Variants in KEAP1 observed in about 807,000 individuals in gnomAD.
The protein encoded by KEAP1 is kelch like ECH associated protein 1.
KEAP1 carries 26 observed loss-of-function variants against 59.7 expected under a neutral mutation model. The observed-to-expected ratio is 0.44, with a 90% CI of 0.32 to 0.60. The LOEUF is 0.60. Among genes scored for constraint, KEAP1 ranks in the 20% least tolerant of loss-of-function variants. KEAP1 has a pLI of 0.06. For missense variants in KEAP1, 539 were observed against 871.4 expected (o/e 0.62, Z 4.80); for synonymous variants, 350 against 358.3 (o/e 0.98, Z 0.26).
chr19:10,487,515 G>A (rs1914506088), intron 5 of KEAP1, among the ~76,000 whole-genome samples: 1 of 151,720 alleles, frequency 6.6e-6, no homozygotes, highest in Admixed American at 6.6e-5. Context: ...AATTAGATGC[G>A]ATTGGTGATG....
intron 2 of KEAP1, among the ~76,000 whole-genome samples, chr19:10,493,054 G>C (rs529007704): frequency 6.6e-6 from 1 of 152,086 alleles, no homozygotes; most frequent in East Asian, 1.9e-4. Context: ...GGAGTGCAGT[G>C]GTGTGATCTT....
chr19:10,494,441 C>G (rs935494183), intron 2 of KEAP1, among the ~76,000 whole-genome samples: 3 of 150,580 alleles, frequency 2.0e-5, no homozygotes, highest in African/African-American at 4.9e-5. Flanking sequence ...CGCCATTCTC[C>G]TGCCTCAGCC....
chr19:10,500,141 G>T, intron 1 of KEAP1, 61 bp from the exon 2 acceptor site: 1 of 1,216,470 alleles, frequency 8.2e-7, no homozygotes, highest in Non-Finnish European at 1.1e-6. Flanking sequence ...CACCTGCCGG[G>T]CCTCGTTTTG....
At chr19:10,496,504 A>G (rs572074638) in intron 2 of KEAP1, among the ~76,000 whole-genome samples, 1 of 115,346 alleles carries the variant, frequency 8.7e-6, no homozygotes, top group African/African-American at 3.7e-5. Flanking sequence ...CCCACCCCCA[A>G]AAAAAAAAAA....
intron 5 of KEAP1, 130 bp from the exon 6 acceptor site, chr19:10,486,948 G>C (rs1850478412): frequency 2.3e-6 from 2 of 877,372 alleles, no homozygotes; most frequent in East Asian, 6.0e-5. Flanking sequence ...TATAATCCTA[G>C]CACTTTGCAG....
chr19:10,486,809 T>C lies in KEAP1; in HGVS notation c.1718A>G (p.Asp573Gly), dbSNP rs2144578896. Residue 573 changes from aspartate to glycine, a missense_variant, in exon 6 of 6, where the codon GAT becomes GGT. Asp to Gly is a moderately conservative substitution (Grantham distance 94, BLOSUM62 -1). Coordinates refer to ENST00000171111, the MANE Select transcript of KEAP1 (RefSeq NM_203500.2). The stretch of plus-strand genomic sequence containing the variant: ...CACACTGTCCAGGAACGTGTGACCA[T>C]CATAGCCTCCTGCGGGAAGAACAGA... ...QGRIYVLGGY[D>G]GHTFLDSVEC... 1 of 1,613,074 alleles carries C rather than the reference T, an allele frequency of 6.2e-7. No individual in the cohort carries two copies. Among genetic ancestry groups the C allele is most frequent in the South Asian group, 1.1e-5 (1 of 91,008 alleles).
chr19:10,489,185 G>GC lies in KEAP1; in HGVS notation c.1708+6dup. ...GTCAGGACTCTTCCCCGCCCCCAGG[G>GC]CCTCACCAAGGACGTAGATTCTCCC... On this transcript the variant is annotated splice_region_variant and intron_variant, in intron 5 of 5. Coordinates refer to ENST00000171111, the MANE Select transcript of KEAP1 (RefSeq NM_203500.2). The GC allele has an allele frequency of 6.2e-7, 1 of 1,609,718 alleles. No homozygotes were observed. Among genetic ancestry groups the GC allele is most frequent in the Non-Finnish European group, 8.5e-7 (1 of 1,178,592 alleles).
rs2144589346 is a variant in KEAP1 at position 10,489,657 on chromosome 19, T to C, written c.1522A>G (p.Ser508Gly). Residue 508 changes from serine (S) to glycine (G), a missense_variant, in exon 4 of 6, where the codon AGC becomes GGC. This residue lies in a region of KEAP1 where 311 missense variants were observed against 425.2 expected (regional missense o/e 0.73). Coordinates refer to ENST00000171111, the MANE Select transcript of KEAP1 (RefSeq NM_203500.2). The part of the protein sequence containing the change: ...RMITAMNTIR[S>G]GAGVCVLHNC... ...TACCGTCCCCACCCACCTGCCCCGC[T>C]TCGGATGGTGTTCATTGCTGTGATC... 6.2e-7 allele frequency: 1 copy of C among 1,613,840 alleles called. No homozygotes were observed. Among genetic ancestry groups the C allele is most frequent in the Non-Finnish European group, 8.5e-7 (1 of 1,179,980 alleles).
At chr19:10,489,567 C>A in intron 4 of KEAP1, 81 bp downstream of exon 4, 1 of 1,503,484 alleles carries the variant, frequency 6.7e-7, no homozygotes. Context: ...AACAGGGGGT[C>A]TCTCCCAGGC....
chr19:10,489,664 G>T lies in KEAP1; in HGVS notation c.1515C>A (p.Thr505=), dbSNP rs1914600591. Residue 505 remains threonine (T), a synonymous_variant, in exon 4 of 6, where the codon ACC becomes ACA. Transcript: ENST00000171111. ...CCCACCCACCTGCCCCGCTTCGGATGGTGTTCATTGCTGTGATCATTCGCC... is the reference window on the plus strand; with the variant it reads ...CCCACCCACCTGCCCCGCTTCGGATTGTGTTCATTGCTGTGATCATTCGCC... The part of the protein sequence containing the change: ...NEWRMITAMN[T]IRSGAGVCVL... 6.2e-7 allele frequency: 1 copy of T among 1,613,962 alleles called. No individual in the cohort carries two copies. Among genetic ancestry groups the T allele is most frequent in the Non-Finnish European group, 8.5e-7 (1 of 1,179,994 alleles).
chr19:10,489,737 G>A lies in KEAP1; in HGVS notation c.1442C>T (p.Thr481Ile), dbSNP rs372945419. ...LLYAVGGFDG[T>I]NRLNSAECYY... is the part of the protein sequence containing the mutation. ...ACACTCAGCTGAATTAAGGCGGTTT[G>A]TCCCGTCAAAGCCCCCCACGGCATA... Residue 481 changes from threonine (T) to isoleucine (I), a missense_variant, in exon 4 of 6, where the codon ACA becomes ATA. Transcript: ENST00000171111. 1.2e-6 allele frequency: 2 copies of A among 1,614,008 alleles called. No individual in the cohort carries two copies. The highest frequency in any genetic ancestry group is 1.7e-6 in the Non-Finnish European group (2 of 1,180,034).
Position 10,486,635 on chromosome 19 carries a change from C to T in KEAP1, c.*17G>A, listed in dbSNP as rs1292628908. ...CTCCCCATTGGACTGTATTTTTGCC[C>T]AAGAAACAAAAGTGCCTCAACAGGT... On this transcript the variant is annotated 3_prime_UTR_variant, in exon 6 of 6. Transcript: ENST00000171111. 13 of 1,609,414 alleles carry T rather than the reference C, an allele frequency of 8.1e-6. No homozygotes were observed. The highest frequency in any genetic ancestry group is 2.2e-5 in the East Asian group (1 of 44,810).
At position 10,491,963 on chromosome 19, in the gene KEAP1, G is replaced by T. The variant is rs1458358210; in HGVS notation, c.939C>A (p.Pro313=). ...KIFEELTLHK[P]TQVMPCRAPK... is the part of the protein sequence containing the mutation. ...GCGCCCGGCAGGGCATCACCTGCGT[G>T]GGCTTGTGCAGGGTGAGCTCCTCGA... Residue 313 remains proline (P), a synonymous_variant, in exon 3 of 6, where the codon CCC becomes CCA. Coordinates refer to ENST00000171111, the MANE Select transcript of KEAP1 (RefSeq NM_203500.2). The surrounding 1 kb of genome is among the most constrained non-coding windows in gnomAD (Gnocchi z 5.2). 6.8e-6 allele frequency: 11 copies of T among 1,613,940 alleles called. No individual in the cohort carries two copies. The highest frequency in any genetic ancestry group is 9.3e-6 in the Non-Finnish European group (11 of 1,180,044).
chr19:10,488,481 A>T (rs1229088034), intron 5 of KEAP1, among the ~76,000 whole-genome samples: 6 of 151,508 alleles, frequency 4.0e-5, no homozygotes, highest in African/African-American at 7.3e-5. Context: ...GCATAGTGGC[A>T]GGCGCCTGTA....
At chr19:10,498,937 C>T (rs1232990464) in intron 2 of KEAP1, among the ~76,000 whole-genome samples, 1 of 151,834 alleles carries the variant, frequency 6.6e-6, no homozygotes, top group Non-Finnish European at 1.5e-5. Flanking sequence ...TTGGTTCAAG[C>T]GATTCTCCTG....
In KEAP1 at chr19:10,499,128, C is replaced by A. The variant is rs1349587644; in HGVS notation, c.639+267G>T. ...GGGATTACAGGCATGAGCCACCACG[C>A]CCGGCCCCAGTTGTTTTTTGTTTGT... On this transcript the variant is annotated intron_variant, in intron 2 of 5. Coordinates refer to ENST00000171111, the MANE Select transcript of KEAP1 (RefSeq NM_203500.2). The surrounding 1 kb of genome is among the most constrained non-coding windows in gnomAD (Gnocchi z 6.7). Among the ~76,000 whole-genome samples the A allele has an allele frequency of 1.3e-5, 2 of 152,154 alleles. No homozygotes were observed. Among genetic ancestry groups the A allele is most frequent in the Non-Finnish European group, 2.9e-5 (2 of 68,050 alleles).
chr19:10,486,767 T>G lies in KEAP1; in HGVS notation c.1760A>C (p.Asp587Ala). ...FLDSVECYDP[D>A]TDTWSEVTRM... is the part of the protein sequence containing the mutation. ...GGTCACCTCGCTCCAGGTGTCTGTATCTGGGTCGTAACACTCCACACTGTC... is the reference window on the plus strand; with the variant it reads ...GGTCACCTCGCTCCAGGTGTCTGTAGCTGGGTCGTAACACTCCACACTGTC... Residue 587 changes from aspartate (D) to alanine (A), a missense_variant, in exon 6 of 6, where the codon GAT (aspartate) becomes GCT (alanine). Physicochemically the swap from Asp to Ala is moderately radical, Grantham distance 126. Transcript: ENST00000171111. The G allele has an allele frequency of 6.2e-7, 1 of 1,614,064 alleles. No homozygotes were observed. The highest frequency in any genetic ancestry group is 8.5e-7 in the Non-Finnish European group (1 of 1,180,006).
At position 10,486,775 on chromosome 19, in the gene KEAP1, G is replaced by C. The variant is rs765886418; in HGVS notation, c.1752C>G (p.Tyr584Ter). 1 of 1,614,026 alleles carries C rather than the reference G, an allele frequency of 6.2e-7. No homozygotes were observed. The highest frequency in any genetic ancestry group is 8.5e-7 in the Non-Finnish European group (1 of 1,179,998). ...CGCTCCAGGTGTCTGTATCTGGGTC[G>C]TAACACTCCACACTGTCCAGGAACG... Reference protein sequence around the residue: ...GHTFLDSVECYDPDTDTWSEV... With the variant: ...GHTFLDSVEC Residue 584 changes from tyrosine (Y) to a stop codon, truncating the protein, a stop_gained, in exon 6 of 6, where the codon TAC becomes TAG. Transcript: ENST00000171111. LOFTEE classifies it high-confidence loss of function.
rs1232877850 is a variant in KEAP1 at position 10,486,680 on chromosome 19, T to A, written c.1847A>T (p.Gln616Leu). Residue 616 changes from glutamine (Q) to leucine (L), a missense_variant, in exon 6 of 6, where the codon CAG (glutamine) becomes CTG (leucine). Coordinates refer to ENST00000171111, the MANE Select transcript of KEAP1 (RefSeq NM_203500.2). Reference sequence around the variant, plus strand: ...ACAGGTACAGTTCTGCTGGTCAATCTGCTTCCGGCAGGGCTCCATGGTGAC... The same window carrying A: ...ACAGGTACAGTTCTGCTGGTCAATCAGCTTCCGGCAGGGCTCCATGGTGAC... ...VAVTMEPCRK[Q>L]IDQQNCTC 1 of 1,614,160 alleles carries A rather than the reference T, an allele frequency of 6.2e-7. No individual in the cohort carries two copies.
Sources: gnomAD v4.1 joint callset for allele counts (sites outside exome capture counted in the v4.1 genomes callset) on GRCh38, gnomAD v4.1.1 for gene constraint, gnomAD v4.1.1 regional missense constraint, Gnocchi (gnomAD v3.1) non-coding constraint, MANE v1.5 for transcripts, NCBI Gene and HGNC (gene_info 2026-07-23, HGNC 2026-07-21) for gene names.